Variants in FASN observed in about 807,000 individuals in gnomAD.
FASN encodes the protein fatty acid synthase, also known as 3-hydroxyacyl-[acyl-carrier-protein] dehydratase.
A neutral mutation model predicts 250.0 loss-of-function variants in FASN; 50 were observed. The ratio of observed to expected loss-of-function variants is 0.20; its 90% CI spans 0.16 to 0.25. FASN has a LOEUF of 0.25. Among genes scored for constraint, FASN ranks in the 10% least tolerant of loss-of-function variants. FASN has a pLI of 1.00. For synonymous variants in FASN, 1,909 were observed against 1,584.0 expected, an observed-to-expected ratio of 1.21 and a Z score of -4.87; for missense variants, 3,031 against 3,498.5, an observed-to-expected ratio of 0.87 and a Z score of 3.37.
chr17:82,084,285 G>C lies in FASN; in HGVS notation c.4868C>G (p.Ala1623Gly). 1 of 1,611,626 alleles carries C rather than the reference G, an allele frequency of 6.2e-7. No homozygotes were observed. The highest frequency in any genetic ancestry group is 8.5e-7 in the Non-Finnish European group (1 of 1,179,458). ...GTCCGGTGACAGCAGGACAGAGGTGGCCAGGCCCTTGGCAGGCACCAGTCC... is the reference window on the plus strand; with the variant it reads ...GTCCGGTGACAGCAGGACAGAGGTGCCCAGGCCCTTGGCAGGCACCAGTCC... ...VMGLVPAKGL[A>G]TSVLLSPDFL... The change falls in exon 28 of 43, where the codon GCC (alanine) becomes GGC (glycine). Residue 1623 changes from alanine (A) to glycine (G), a missense_variant. Transcript: ENST00000306749.
intron 27 of FASN, 44 bp downstream of exon 27, chr17:82,084,469 G>A (rs1207470628): frequency 1.9e-6 from 3 of 1,587,322 alleles, no homozygotes; most frequent in Non-Finnish European, 1.7e-6. Flanking sequence ...TGGGGTCTCT[G>A]CTCCCCGGCC....
chr17:82,087,585 C>T, intron 19 of FASN, 81 bp from the exon 20 acceptor site: 1 of 1,600,734 alleles, frequency 6.2e-7, no homozygotes. Context: ...CCCCTCTGCT[C>T]CCTCCCAAGC....
intron 8 of FASN, 100 bp downstream of exon 8, chr17:82,092,355 G>T: frequency 1.5e-6 from 2 of 1,305,390 alleles, no homozygotes; most frequent in South Asian, 1.3e-5. Flanking sequence ...GGAAGCCCCC[G>T]CCTCCACTTG....
intron 3 of FASN, chr17:82,094,051 G>T: frequency 1.9e-6 from 1 of 535,998 alleles, no homozygotes; most frequent in Non-Finnish European, 3.4e-6. Context: ...GCCCAGGGGA[G>T]GGCACCAGGC....
chr17:82,091,767 CTCA>C, intron 8 of FASN, 83 bp from the exon 9 acceptor site: 1 of 1,283,164 alleles, frequency 7.8e-7, no homozygotes. Context: ...CCCCGAGACT[CTCA>C]TGTGGGGCCA....
intron 8 of FASN, among the ~76,000 whole-genome samples, chr17:82,091,951 C>T (rs2034217633): frequency 6.6e-6 from 1 of 152,216 alleles, no homozygotes; most frequent in African/African-American, 2.4e-5. Flanking sequence ...CTGGCTGTGG[C>T]CTGAACACTA....
intron 22 of FASN, among the ~76,000 whole-genome samples, 161 bp from the exon 23 acceptor site, chr17:82,086,032 C>A (rs1214262044): frequency 6.6e-6 from 1 of 152,192 alleles, no homozygotes; most frequent in South Asian, 2.1e-4. Context: ...TGGTCTTGTC[C>A]CTGGGGTCCT....
chr17:82,084,843 C>A lies in FASN; in HGVS notation c.4520G>T (p.Arg1507Leu). 1 of 1,550,438 alleles carries A rather than the reference C, an allele frequency of 6.4e-7. No homozygotes were observed. Among genetic ancestry groups the A allele is most frequent in the Non-Finnish European group, 8.7e-7 (1 of 1,146,972 alleles). Residue 1507 changes from arginine to leucine, a missense_variant, in exon 26 of 43, where the codon CGC becomes CTC. By Grantham distance (102) the Arg-to-Leu change is moderately radical. Transcript: ENST00000306749. ...GCGGAAAGCCCCCCAGGCCCCGTCG[C>A]GGTAGACGTTCATCACCAGGTCTCC... ...LQGDLVMNVY[R>L]DGAWGAFRHF...
rs1462974359 is a variant in FASN, at chr17:82,084,390, G to A, written c.4769-6C>T. 1.2e-6 allele frequency: 2 copies of A among 1,604,160 alleles called. No homozygotes were observed. Among genetic ancestry groups the A allele is most frequent in the Non-Finnish European group, 1.7e-6 (2 of 1,176,150 alleles). On this transcript the variant is annotated splice_polypyrimidine_tract_variant and splice_region_variant and intron_variant, in intron 27 of 42. Coordinates refer to ENST00000306749, the MANE Select transcript of FASN (RefSeq NM_004104.5). ...GTCCTGGGAGGTCCACTTCCCTGGGGGAGACGGCACTGAGCCCCTCACCGC... is the reference window on the plus strand; with the variant it reads ...GTCCTGGGAGGTCCACTTCCCTGGGAGAGACGGCACTGAGCCCCTCACCGC...
rs377733692 is a variant in FASN at position 82,085,163 on chromosome 17, C to T, written c.4288-7G>A. On this transcript the variant is annotated splice_polypyrimidine_tract_variant and splice_region_variant and intron_variant, in intron 24 of 42. Transcript: ENST00000306749. ...CTTCGTCAGCCAGGATGCCCTACAG[C>T]GGGTCGGGGAGGGTCAGGCCACACT... is the stretch of plus-strand genomic sequence containing the variant. The T allele has an allele frequency of 1.6e-5, 25 of 1,594,356 alleles. 1 individual carries two copies. Among genetic ancestry groups the T allele is most frequent in the African/African-American group, 1.3e-4 (10 of 74,346 alleles).
Position 82,091,580 on chromosome 17 carries a change from G to C in FASN, c.1134C>G (p.Asp378Glu). 13 of 1,588,596 alleles carry C rather than the reference G, an allele frequency of 8.2e-6. No individual in the cohort carries two copies. Among genetic ancestry groups the C allele is most frequent in the Non-Finnish European group, 1.1e-5 (13 of 1,169,292 alleles). ...TGCCGCCACGGACGGGCAGGGGCTG[G>C]TCCACCACCTGCAGCCGCCCATCCA... ...ALLDGRLQVV[D>E]QPLPVRGGNV... Residue 378 changes from aspartate to glutamate, a missense_variant, in exon 9 of 43, where the codon GAC (aspartate) becomes GAG (glutamate). Physicochemically the swap from Asp to Glu is conservative, Grantham distance 45. Transcript: ENST00000306749.
At position 82,091,225 on chromosome 17, in the gene FASN, A is replaced by G. The variant is rs2034200123; in HGVS notation, c.1489T>C (p.Ser497Pro). Residue 497 changes from serine to proline, a missense_variant, in exon 9 of 43, where the codon TCT (serine) becomes CCT (proline). Coordinates refer to ENST00000306749, the MANE Select transcript of FASN (RefSeq NM_004104.5). Reference protein sequence around the residue: ...AGERPLWFICSGMGTQWRGMG... With the variant: ...AGERPLWFICPGMGTQWRGMG... ...TGGGGGCAGAGTGTGGGCTCACCAG[A>G]GCAGATGAACCAGAGCGGGCGCTCG... 1.9e-6 allele frequency: 3 copies of G among 1,601,472 alleles called. No individual in the cohort carries two copies. Among genetic ancestry groups the G allele is most frequent in the Non-Finnish European group, 8.5e-7 (1 of 1,176,034 alleles).
rs764473803 is a variant in FASN, at chr17:82,092,503, G to A, written c.981C>T (p.Ser327=). 35 of 1,600,162 alleles carry A rather than the reference G, an allele frequency of 2.2e-5. No individual in the cohort carries two copies. In the South Asian group the frequency reaches 3.8e-4, roughly 17 times the overall value. Residue 327 remains serine, a synonymous_variant, in exon 8 of 43, where the codon TCC becomes TCT. Coordinates refer to ENST00000306749, the MANE Select transcript of FASN (RefSeq NM_004104.5). Reference sequence around the variant, plus strand: ...AGGCTGGCTCCGGGTGCCCCATGTTGGACTTGGTGGAGCCGATGAGCAGCG... The same window carrying A: ...AGGCTGGCTCCGGGTGCCCCATGTTAGACTTGGTGGAGCCGATGAGCAGCG... ...QEPLLIGSTK[S]NMGHPEPASG...
In FASN at chr17:82,086,900, C is replaced by A. The variant is rs2034113082; in HGVS notation, c.3427+150G>T. On this transcript the variant is annotated intron_variant, in intron 21 of 42. Transcript: ENST00000306749. ...CTGGGGGCTGGGGGAGGGAGGGAGG[C>A]CGCCATCGTGAGCTCCGGCCGGAGG... is the stretch of plus-strand genomic sequence containing the variant. The A allele has an allele frequency of 6.1e-6, 5 of 819,682 alleles. No individual in the cohort carries two copies. In the Admixed American group the frequency reaches 6.3e-5, roughly 10 times the overall value. 50.8% of individuals were successfully genotyped at this position (819,682 alleles called of 1,614,324 possible). A position where few individuals can be genotyped will look rare whatever the true frequency, so the allele number is the denominator to read the frequency against.
In FASN at chr17:82,083,235, G is replaced by A. The variant is rs1408593226; in HGVS notation, c.5532C>T (p.Ala1844=). 1 of 1,612,726 alleles carries A rather than the reference G, an allele frequency of 6.2e-7. No individual in the cohort carries two copies. The highest frequency in any genetic ancestry group is 1.7e-5 in the Admixed American group (1 of 60,018). The change falls in exon 32 of 43, where the codon GCC becomes GCT. Residue 1844 remains alanine, a synonymous_variant. Transcript: ENST00000306749. ...AQVEDAFRYM[A]QGKHIGKVVV... ...CGACTTTGCCAATGTGCTTCCCTTGGGCCATGTAGCGGAAGGCGTCCTCCA... is the reference window on the plus strand; with the variant it reads ...CGACTTTGCCAATGTGCTTCCCTTGAGCCATGTAGCGGAAGGCGTCCTCCA...
At chr17:82,097,020 T>C (rs2034316335) in intron 1 of FASN, 2 of 203,368 alleles carry the variant, frequency 9.8e-6, no homozygotes, top group South Asian at 1.6e-4. Flanking sequence ...CGTGTTGGGG[T>C]GGGGGCCCGC....
rs914396305 is a variant in FASN, at chr17:82,088,802, C to A, written c.2379G>T (p.Leu793=). 2.5e-6 allele frequency: 4 copies of A among 1,612,588 alleles called. No individual in the cohort carries two copies. The highest frequency in any genetic ancestry group is 3.4e-6 in the Non-Finnish European group (4 of 1,179,830). The change falls in exon 15 of 43, where the codon CTG becomes CTT. Residue 793 remains leucine, a synonymous_variant. Transcript: ENST00000306749. ...TGCCGATGCCGGCCAGGAAGAACTC[C>A]AGGTTGTCCCTGTGATCCTTCTTCA... ...PLMKKDHRDN[L]EFFLAGIGRL...
rs1386074390 is a variant in FASN, at chr17:82,085,506, C to T, written c.4098G>A (p.Gln1366=). The T allele has an allele frequency of 6.3e-7, 1 of 1,594,930 alleles. No homozygotes were observed. The highest frequency in any genetic ancestry group is 8.5e-7 in the Non-Finnish European group (1 of 1,171,504). Residue 1366 remains glutamine, a synonymous_variant, in exon 23 of 43, where the codon CAG becomes CAA. Coordinates refer to ENST00000306749, the MANE Select transcript of FASN (RefSeq NM_004104.5). The part of the protein sequence containing the change: ...IVAFLTSTEP[Q]YGQGILSQDA... ...CCTGGCTCAGGATGCCCTGGCCATA[C>T]TGCGGCTCAGTGGAGGTGAGGAAGG...
At chr17:82,090,712 C>T in intron 10 of FASN, 148 bp from the exon 11 acceptor site, 2 of 1,038,552 alleles carry the variant, frequency 1.9e-6, no homozygotes, top group Non-Finnish European at 2.9e-6. Flanking sequence ...ATGGCCCCCA[C>T]ACAGCCCCAC....
Sources: allele counts gnomAD v4.1 joint callset (sites outside exome capture counted in the v4.1 genomes callset), GRCh38; gene constraint gnomAD v4.1.1; transcripts MANE v1.5; gene names NCBI Gene and HGNC (gene_info 2026-07-23, HGNC 2026-07-21).